The following CD38 variants were observed in gnomAD, a reference collection of about 807,000 sequenced individuals.
The protein encoded by CD38 is CD38 molecule.
CD38 carries 31 observed loss-of-function variants against 36.3 expected under a neutral mutation model. That is an observed-to-expected ratio of 0.85 (90% CI 0.64 to 1.15). CD38 has a LOEUF of 1.15. Ranked by LOEUF, CD38 falls within the 50% of genes most tolerant of loss-of-function variation. The pLI is 0.00. For missense variants in CD38, 380 were observed against 371.9 expected, an observed-to-expected ratio of 1.02 and a Z score of -0.18; for synonymous variants, 131 against 135.2, an observed-to-expected ratio of 0.97 and a Z score of 0.22.
intron 1 of CD38, among the ~76,000 whole-genome samples, chr4:15,793,259 T>A (rs960585925): frequency 1.3e-5 from 2 of 148,344 alleles, no homozygotes; most frequent in Non-Finnish European, 2.9e-5. Context: ...AACTTTCTGA[T>A]TTTTTTAGTA....
intron 2 of CD38, among the ~76,000 whole-genome samples, chr4:15,818,887 C>A (rs1374400861): frequency 2.0e-5 from 3 of 152,158 alleles, no homozygotes; most frequent in Admixed American, 2.0e-4. Context: ...TAGATAAATG[C>A]AAGAAGATGA....
chr4:15,827,771 C>T (rs980441451), intron 3 of CD38, among the ~76,000 whole-genome samples: 1 of 151,652 alleles, frequency 6.6e-6, no homozygotes, highest in African/African-American at 2.4e-5. Context: ...CTTATTTTTG[C>T]CTTCTTTTAA....
rs1387695931 is a variant in CD38 at position 15,848,793 on chromosome 4, T to G, written c.*191T>G. On this transcript the variant is annotated 3_prime_UTR_variant, in exon 8 of 8. Coordinates refer to ENST00000226279, the MANE Select transcript of CD38 (RefSeq NM_001775.4). ...TATCATCAGCATACCTTTATTGTGA[T>G]CTATCAATAGTCAAGAAAAATTATT... 1 of 454,534 alleles carries G rather than the reference T, an allele frequency of 2.2e-6. No individual in the cohort carries two copies. Among genetic ancestry groups the G allele is most frequent in the Non-Finnish European group, 4.0e-6 (1 of 253,156 alleles). 28.2% of individuals were successfully genotyped at this position (454,534 alleles called of 1,614,324 possible).
At chr4:15,795,165 G>C (rs920762055) in intron 1 of CD38, among the ~76,000 whole-genome samples, 1 of 152,066 alleles carries the variant, frequency 6.6e-6, no homozygotes, top group African/African-American at 2.4e-5. Flanking sequence ...ATGGATGTAA[G>C]ATGCTGAGAA....
chr4:15,790,709 G>A (rs1171051805), intron 1 of CD38, among the ~76,000 whole-genome samples: 5 of 150,782 alleles, frequency 3.3e-5, no homozygotes, highest in African/African-American at 9.8e-5. Context: ...CTGCCCGGCC[G>A]CCATCCCATC....
chr4:15,824,759 T>C, intron 2 of CD38, 122 bp from the exon 3 acceptor site: 1 of 760,640 alleles, frequency 1.3e-6, no homozygotes, highest in African/African-American at 1.7e-5. Context: ...CAATTCTTAC[T>C]CTTACTATGG....
chr4:15,810,151 G>C (rs1723438963), intron 1 of CD38, among the ~76,000 whole-genome samples: 1 of 152,152 alleles, frequency 6.6e-6, no homozygotes, highest in Admixed American at 6.5e-5. Flanking sequence ...TCTAAACAAG[G>C]AATTCTGTTA....
rs561247393 is a variant in CD38 at position 15,792,442 on chromosome 4, A to T, written c.233+13795A>T. Reference sequence around the variant, plus strand: ...TCAATAAAAATAAAATAAAATAAAAAAAAGGAATGAATCAAGAAAAAAAAA... The same window carrying T: ...TCAATAAAAATAAAATAAAATAAAATAAAGGAATGAATCAAGAAAAAAAAA... On this transcript the variant is annotated intron_variant, in intron 1 of 7. Transcript: ENST00000226279. 2.9e-4 allele frequency among the ~76,000 whole-genome samples: 43 copies of T among 150,052 alleles called. 2 individuals are homozygous for T. In the East Asian group the frequency reaches 2.9e-3, roughly 10 times the overall value.
chr4:15,826,512 C>A (rs568659397), intron 3 of CD38, among the ~76,000 whole-genome samples: 3 of 149,530 alleles, frequency 2.0e-5, no homozygotes, highest in Non-Finnish European at 4.4e-5. Context: ...CATACTTGAA[C>A]GATAAATTTT....
chr4:15,801,031 A>T (rs968727575), intron 1 of CD38, among the ~76,000 whole-genome samples: 1 of 152,002 alleles, frequency 6.6e-6, no homozygotes, highest in Non-Finnish European at 1.5e-5. Context: ...TTTAAAAAAA[A>T]TTGACTAAGC....
chr4:15,789,121 G>A (rs184947602), intron 1 of CD38, among the ~76,000 whole-genome samples: 62 of 152,280 alleles, frequency 4.1e-4, no homozygotes, highest in African/African-American at 1.4e-3. Context: ...AAGACATGCT[G>A]CCCATCTTTT....
intron 3 of CD38, among the ~76,000 whole-genome samples, chr4:15,832,983 A>G (rs72616184): frequency 0.059 from 8,922 of 152,246 alleles, 362 homozygotes; most frequent in East Asian, 0.18. Flanking sequence ...TTCTAAGGCA[A>G]AGGAGCCTCA....
At chr4:15,835,994 A>C (rs1237957201) in intron 4 of CD38, among the ~76,000 whole-genome samples, 1 of 152,226 alleles carries the variant, frequency 6.6e-6, no homozygotes, top group Non-Finnish European at 1.5e-5. Flanking sequence ...GGAAGGAAGA[A>C]AGAAATGAAA....
chr4:15,802,216 G>A (rs1378978910), intron 1 of CD38, among the ~76,000 whole-genome samples: 2 of 152,016 alleles, frequency 1.3e-5, no homozygotes, highest in Non-Finnish European at 2.9e-5. Flanking sequence ...CTCCACCTAG[G>A]AGTAAATTTA....
intron 1 of CD38, among the ~76,000 whole-genome samples, chr4:15,808,410 G>C (rs531947115): frequency 6.6e-6 from 1 of 152,314 alleles, no homozygotes; most frequent in South Asian, 2.1e-4. Flanking sequence ...GCTTGGACCT[G>C]AGATGTTTCC....
chr4:15,782,504 T>G (rs1722721648), intron 1 of CD38, among the ~76,000 whole-genome samples: 1 of 152,220 alleles, frequency 6.6e-6, no homozygotes. Context: ...CCTAGGGACT[T>G]TTGTTTAATG....
At chr4:15,792,786 C>T (rs1244158511) in intron 1 of CD38, among the ~76,000 whole-genome samples, 2 of 152,190 alleles carry the variant, frequency 1.3e-5, no homozygotes, top group Non-Finnish European at 2.9e-5. Context: ...CTACCTGACA[C>T]AACTGAGTAA....
intron 1 of CD38, among the ~76,000 whole-genome samples, chr4:15,805,395 C>A (rs1723320689): frequency 6.6e-6 from 1 of 152,054 alleles, no homozygotes; most frequent in Non-Finnish European, 1.5e-5. Context: ...GTCAACTGTC[C>A]ACCGTATTTA....
intron 1 of CD38, among the ~76,000 whole-genome samples, chr4:15,809,796 A>G (rs770332832): frequency 2.0e-5 from 3 of 152,154 alleles, no homozygotes; most frequent in Non-Finnish European, 4.4e-5. Flanking sequence ...AAAAAATATT[A>G]TTGAACTTCC....
Sources: allele counts gnomAD v4.1 joint callset (sites outside exome capture counted in the v4.1 genomes callset), GRCh38; gene constraint gnomAD v4.1.1; transcripts MANE v1.5; gene names NCBI Gene and HGNC (gene_info 2026-07-23, HGNC 2026-07-21).